The following CREB5 variants were observed in gnomAD, a reference collection of about 807,000 sequenced individuals.
The protein encoded by CREB5 is cAMP responsive element binding protein 5, also known as cyclic AMP-responsive element-binding protein 5.
CREB5 carries 19 observed loss-of-function variants against 57.1 expected under a neutral mutation model. That is an observed-to-expected ratio of 0.33 (90% CI 0.23 to 0.49). The LOEUF (loss-of-function observed/expected upper bound fraction) is 0.49. Ranked by LOEUF, CREB5 falls within the 20% of genes least tolerant of loss-of-function variation. The pLI is 0.99. For synonymous variants in CREB5, 238 were observed against 238.3 expected (o/e 1.00, Z 0.01); for missense variants, 579 against 671.6 (o/e 0.86, Z 1.52).
At chr7:28,728,080 C>T (rs1302505169) in intron 7 of CREB5, among the ~76,000 whole-genome samples, 6 of 152,046 alleles carry the variant, frequency 3.9e-5, no homozygotes, top group East Asian at 1.9e-4. Flanking sequence ...TGAGTAGCTA[C>T]GATTACAAGT....
intron 1 of CREB5, among the ~76,000 whole-genome samples, chr7:28,338,841 A>G (rs535033401): frequency 1.3e-5 from 2 of 151,474 alleles, no homozygotes; most frequent in African/African-American, 4.8e-5. Context: ...CTGACTGTGT[A>G]TTTTCAAATA....
chr7:28,405,003 G>C (rs42707), intron 1 of CREB5, among the ~76,000 whole-genome samples: 36,810 of 152,202 alleles, frequency 0.24, 4,719 homozygotes, highest in Non-Finnish European at 0.28. Flanking sequence ...ACAGAGTTGT[G>C]AAGATTAACA....
chr7:28,468,398 T>C (rs1376364209), intron 1 of CREB5, among the ~76,000 whole-genome samples: 1 of 152,192 alleles, frequency 6.6e-6, no homozygotes, highest in Non-Finnish European at 1.5e-5. Context: ...AAGATAACCT[T>C]GACTGTCCAA....
intron 5 of CREB5, among the ~76,000 whole-genome samples, chr7:28,604,209 C>A (rs1472823391): frequency 1.3e-5 from 2 of 152,056 alleles, no homozygotes; most frequent in East Asian, 1.9e-4. Context: ...GCTTTGGTGC[C>A]CTTTTGACTA....
intron 7 of CREB5, among the ~76,000 whole-genome samples, chr7:28,793,041 T>C (rs527496653): frequency 1.8e-4 from 27 of 152,298 alleles, no homozygotes; most frequent in East Asian, 1.4e-3. Context: ...CCAAAGGAAG[T>C]AAGGCAGGTG....
intron 7 of CREB5, among the ~76,000 whole-genome samples, chr7:28,780,677 G>C (rs534924852): frequency 6.6e-6 from 1 of 152,118 alleles, no homozygotes; most frequent in African/African-American, 2.4e-5. Context: ...TGCCGAGATC[G>C]TGTAATTGCA....
chr7:28,735,467 G>GTACGTATA (rs1803920135), intron 7 of CREB5, among the ~76,000 whole-genome samples: 2 of 152,312 alleles, frequency 1.3e-5, no homozygotes, highest in South Asian at 4.1e-4. Context: ...CAGTCACTAT[G>GTACGTATA]TACGTATATA....
chr7:28,374,804 T>A (rs750319926), intron 1 of CREB5, among the ~76,000 whole-genome samples: 1 of 152,190 alleles, frequency 6.6e-6, no homozygotes, highest in Non-Finnish European at 1.5e-5. Flanking sequence ...GGCTCATCCC[T>A]TTGGGAATAT....
chr7:28,714,477 C>T (rs943666289), intron 5 of CREB5, among the ~76,000 whole-genome samples: 15 of 152,156 alleles, frequency 9.9e-5, no homozygotes, highest in South Asian at 2.1e-4. Flanking sequence ...GAGACCCCTT[C>T]GCACCTTCCA....
At chr7:28,624,612 G>T (rs972304196) in intron 5 of CREB5, among the ~76,000 whole-genome samples, 8 of 150,734 alleles carry the variant, frequency 5.3e-5, no homozygotes, top group Non-Finnish European at 1.0e-4. Context: ...TTGTTACTTT[G>T]GTGTCTAAGT....
intron 1 of CREB5, among the ~76,000 whole-genome samples, chr7:28,476,166 A>G (rs1312879013): frequency 1.3e-5 from 2 of 152,320 alleles, no homozygotes; most frequent in African/African-American, 2.4e-5. Context: ...TCGGGATCAT[A>G]TAGAAGACAA....
chr7:28,551,906 CTTTTCTTTCTCTT>C (rs1794668446), intron 4 of CREB5, among the ~76,000 whole-genome samples: 1 of 116,650 alleles, frequency 8.6e-6, no homozygotes, highest in African/African-American at 3.2e-5. Context: ...TTTCTCTTTT[CTTTTCTTTCTCTT>C]TTTTCTTTCT....
chr7:28,772,483 C>T (rs1806382237), intron 7 of CREB5, among the ~76,000 whole-genome samples: 1 of 152,104 alleles, frequency 6.6e-6, no homozygotes, highest in Admixed American at 6.5e-5. Flanking sequence ...AATGGAAGAG[C>T]GGTGGGAGAA....
chr7:28,325,454 CAAA>C (rs59632895), intron 1 of CREB5, among the ~76,000 whole-genome samples: 109 of 135,720 alleles, frequency 8.0e-4, no homozygotes, highest in African/African-American at 2.2e-3. Context: ...GACTCCATCT[CAAA>C]AAAAAAAAAA....
chr7:28,692,887 T>A (rs901610705), intron 5 of CREB5, among the ~76,000 whole-genome samples: 1 of 152,224 alleles, frequency 6.6e-6, no homozygotes, highest in Non-Finnish European at 1.5e-5. Flanking sequence ...GACTTAGCAC[T>A]CCAAAATCCA....
chr7:28,672,719 G>A (rs1583518559), intron 5 of CREB5, among the ~76,000 whole-genome samples: 1 of 152,228 alleles, frequency 6.6e-6, no homozygotes, highest in African/African-American at 2.4e-5. Context: ...AGCCCTCCCA[G>A]TGCTGTCATA....
At chr7:28,700,394 C>T (rs1220576423) in intron 5 of CREB5, among the ~76,000 whole-genome samples, 1 of 152,186 alleles carries the variant, frequency 6.6e-6, no homozygotes, top group Non-Finnish European at 1.5e-5. Context: ...CAGCTGACTT[C>T]CTTGGCTATT....
At chr7:28,439,102 A>G (rs761069908) in intron 1 of CREB5, among the ~76,000 whole-genome samples, 1 of 152,112 alleles carries the variant, frequency 6.6e-6, no homozygotes, top group East Asian at 1.9e-4. Context: ...GAACCAAACC[A>G]AAACAACAGA....
intron 1 of CREB5, among the ~76,000 whole-genome samples, chr7:28,432,921 A>T (rs866673749): frequency 2.9e-4 from 44 of 152,332 alleles, no homozygotes; most frequent in Admixed American, 1.4e-3. Context: ...GCTATATTTC[A>T]TAGAGTATTT....
Sources: gnomAD v4.1 joint callset for allele counts (sites outside exome capture counted in the v4.1 genomes callset) on GRCh38, gnomAD v4.1.1 for gene constraint, MANE v1.5 for transcripts, NCBI Gene and HGNC (gene_info 2026-07-23, HGNC 2026-07-21) for gene names.